Variants in FSTL5 observed in about 807,000 individuals in gnomAD.
FSTL5 encodes the protein follistatin like 5.
A neutral mutation model predicts 89.1 loss-of-function variants in FSTL5; 62 were observed. The ratio of observed to expected loss-of-function variants is 0.70; its 90% confidence interval spans 0.57 to 0.86. FSTL5 has a LOEUF of 0.86. Among genes scored for constraint, FSTL5 ranks in the 40% least tolerant of loss-of-function variants. The pLI is 0.00. For synonymous variants in FSTL5, 383 were observed against 346.2 expected (o/e 1.11, Z -1.18); for missense variants, 1,057 against 1,001.6 (o/e 1.06, Z -0.75).
At chr4:161,950,911 G>GTTA (rs1275122012) in intron 3 of FSTL5, among the ~76,000 whole-genome samples, 209 of 151,940 alleles carry the variant, frequency 1.4e-3, no homozygotes, top group Middle Eastern at 6.8e-3. Context: ...TATTATTGAT[G>GTTA]TTATTATTAT....
intron 15 of FSTL5, among the ~76,000 whole-genome samples, chr4:161,398,346 G>T (rs1731072242): frequency 6.6e-6 from 1 of 151,994 alleles, no homozygotes; most frequent in African/African-American, 2.4e-5. Context: ...TATTAGTACT[G>T]ACACAGAGAT....
At chr4:161,917,808 C>T (rs1733882218) in intron 4 of FSTL5, among the ~76,000 whole-genome samples, 1 of 152,180 alleles carries the variant, frequency 6.6e-6, no homozygotes, top group African/African-American at 2.4e-5. Context: ...ATTGCAAGTA[C>T]TCAACTCTCC....
chr4:162,162,733 TAAGTA>T (rs1733743402), intron 1 of FSTL5, among the ~76,000 whole-genome samples: 1 of 152,200 alleles, frequency 6.6e-6, no homozygotes, highest in Non-Finnish European at 1.5e-5. Flanking sequence ...AAAATTCTTC[TAAGTA>T]AAGAAAAGCT....
rs977137903 is a variant in FSTL5, at chr4:161,651,470, T to C, written c.894+4858A>G. Among the ~76,000 whole-genome samples, 6 of 152,130 alleles carry C rather than the reference T, an allele frequency of 3.9e-5. No individual in the cohort carries two copies. In the East Asian group the frequency reaches 5.8e-4, roughly 15 times the overall value. On this transcript the variant is annotated intron_variant, in intron 7 of 15. Transcript: ENST00000306100. Reference sequence around the variant, plus strand: ...GTAACCTAATACTAAATTACTATTTTTTTAGGTAGGTTCAGGGTATATGTA... The same window carrying C: ...GTAACCTAATACTAAATTACTATTTCTTTAGGTAGGTTCAGGGTATATGTA...
At chr4:161,805,989 CT>C (rs1330912803) in intron 4 of FSTL5, among the ~76,000 whole-genome samples, 1 of 151,930 alleles carries the variant, frequency 6.6e-6, no homozygotes, top group African/African-American at 2.4e-5. Context: ...TTGTTAATCT[CT>C]CACCATACCT....
chr4:161,548,039 A>T (rs934357400), intron 8 of FSTL5, among the ~76,000 whole-genome samples: 9 of 151,904 alleles, frequency 5.9e-5, no homozygotes, highest in African/African-American at 2.2e-4. Flanking sequence ...AATAAGACTA[A>T]AATCAGTGGA....
At chr4:161,807,624 T>C (rs2048798566) in intron 4 of FSTL5, among the ~76,000 whole-genome samples, 1 of 152,170 alleles carries the variant, frequency 6.6e-6, no homozygotes, top group South Asian at 2.1e-4. Flanking sequence ...ATTGTAGCCA[T>C]AGACAATACA....
At chr4:161,680,698 T>G (rs1433673352) in intron 6 of FSTL5, among the ~76,000 whole-genome samples, 1 of 151,756 alleles carries the variant, frequency 6.6e-6, no homozygotes, top group Non-Finnish European at 1.5e-5. Flanking sequence ...GAAATAATTA[T>G]AGTAAAATAT....
chr4:161,694,230 A>G (rs183827002), intron 6 of FSTL5, among the ~76,000 whole-genome samples: 1 of 152,262 alleles, frequency 6.6e-6, no homozygotes, highest in African/African-American at 2.4e-5. Context: ...TTAGAACTAT[A>G]TAGAGAAAGA....
At chr4:161,878,206 T>C (rs1219094827) in intron 4 of FSTL5, among the ~76,000 whole-genome samples, 1 of 152,126 alleles carries the variant, frequency 6.6e-6, no homozygotes, top group Non-Finnish European at 1.5e-5. Context: ...AGTGCTATAC[T>C]TCCTAAATTG....
chr4:162,133,364 A>G (rs1001282061), intron 1 of FSTL5, among the ~76,000 whole-genome samples: 2 of 152,206 alleles, frequency 1.3e-5, no homozygotes, highest in Non-Finnish European at 2.9e-5. Flanking sequence ...ACAGTATGTT[A>G]CAAGGTCACC....
rs570332192 is a variant in FSTL5, at chr4:161,774,364, C to G, written c.606+1514G>C. Among the ~76,000 whole-genome samples, 8 of 152,234 alleles carry G rather than the reference C, an allele frequency of 5.3e-5. 1 individual carries two copies. The East Asian group carries it at 1.4e-3, about 26-fold the overall frequency. On this transcript the variant is annotated intron_variant, in intron 5 of 15. Coordinates refer to ENST00000306100, the MANE Select transcript of FSTL5 (RefSeq NM_020116.5). ...TGTCAACACCACAATTCTGAACTTCCAACTTCCAGGATTGAGAGGATAAAT... is the reference window on the plus strand; with the variant it reads ...TGTCAACACCACAATTCTGAACTTCGAACTTCCAGGATTGAGAGGATAAAT...
chr4:161,462,364 G>C (rs1733611131), intron 13 of FSTL5, among the ~76,000 whole-genome samples: 1 of 152,086 alleles, frequency 6.6e-6, no homozygotes, highest in Admixed American at 6.6e-5. Flanking sequence ...CTCTATTGGA[G>C]GTTAACAAGA....
chr4:162,162,004 G>T (rs77209718), intron 1 of FSTL5, among the ~76,000 whole-genome samples: 7,938 of 152,012 alleles, frequency 0.052, 428 homozygotes, highest in African/African-American at 0.13. Context: ...AAATTTGTAT[G>T]AATATTTAAT....
intron 2 of FSTL5, among the ~76,000 whole-genome samples, chr4:162,097,251 T>C (rs955949773): frequency 6.7e-6 from 1 of 150,162 alleles, no homozygotes; most frequent in Non-Finnish European, 1.5e-5. Flanking sequence ...TTGACTGCAA[T>C]AGAGGAGAGG....
chr4:161,691,421 A>T (rs1368548135), intron 6 of FSTL5, among the ~76,000 whole-genome samples: 1 of 152,108 alleles, frequency 6.6e-6, no homozygotes, highest in East Asian at 1.9e-4. Context: ...CCCGTGCCAC[A>T]CTTGATTGTT....
chr4:161,773,766 T>C (rs984999963), intron 5 of FSTL5, among the ~76,000 whole-genome samples: 1 of 152,198 alleles, frequency 6.6e-6, no homozygotes, highest in Non-Finnish European at 1.5e-5. Flanking sequence ...ACAACCACTA[T>C]GGAAAACAGT....
intron 1 of FSTL5, among the ~76,000 whole-genome samples, chr4:162,122,204 T>C: frequency 6.6e-6 from 1 of 152,240 alleles, no homozygotes; most frequent in South Asian, 2.1e-4. Context: ...GAAAAAGTAC[T>C]TTTAATAGCA....
chr4:161,972,006 T>C (rs1481400769), intron 3 of FSTL5, among the ~76,000 whole-genome samples: 1 of 152,160 alleles, frequency 6.6e-6, no homozygotes, highest in African/African-American at 2.4e-5. Context: ...TCTTTAATGA[T>C]TGCTACCTGC....
Sources: gnomAD v4.1 joint callset for allele counts (sites outside exome capture counted in the v4.1 genomes callset) on GRCh38, gnomAD v4.1.1 for gene constraint, MANE v1.5 for transcripts, NCBI Gene and HGNC (gene_info 2026-07-23, HGNC 2026-07-21) for gene names.